GPC5: variants seen among roughly 807,000 people sequenced by gnomAD.
GPC5 encodes the protein glypican 5.
In GPC5, 47 loss-of-function variants were observed where a neutral mutation model predicts 53.9. The observed-to-expected ratio is 0.87, with a 90% CI of 0.69 to 1.11. GPC5 has a LOEUF of 1.11. Among genes scored for constraint, GPC5 ranks in the 50% most tolerant of loss-of-function variants. The probability of loss-of-function intolerance (pLI) is 0.00; values close to 1 mark genes in which losing one functional copy is unlikely to be tolerated. For synonymous variants in GPC5, 286 were observed against 263.3 expected, an observed-to-expected ratio of 1.09 and a Z score of -0.84; for missense variants, 748 against 713.1, an observed-to-expected ratio of 1.05 and a Z score of -0.56.
chr13:91,819,557 T>G (rs1399824189), intron 5 of GPC5, among the ~76,000 whole-genome samples: 2 of 152,214 alleles, frequency 1.3e-5, no homozygotes, highest in Admixed American at 1.3e-4. Context: ...ATATTTTGTT[T>G]GTAAAATCCA....
At chr13:92,653,474 A>G (rs1886025309) in intron 7 of GPC5, among the ~76,000 whole-genome samples, 1 of 152,162 alleles carries the variant, frequency 6.6e-6, no homozygotes. Context: ...TTTTTTTCAA[A>G]TATCTCATGT....
intron 2 of GPC5, among the ~76,000 whole-genome samples, chr13:91,617,427 A>G (rs1282282696): frequency 6.6e-6 from 1 of 152,174 alleles, no homozygotes; most frequent in Non-Finnish European, 1.5e-5. Flanking sequence ...CTGAACAGGC[A>G]TAGCATGATA....
At chr13:92,378,082 A>C (rs2043709464) in intron 7 of GPC5, among the ~76,000 whole-genome samples, 1 of 152,044 alleles carries the variant, frequency 6.6e-6, no homozygotes. Flanking sequence ...TTAAAGTTTG[A>C]AAATATAGCC....
intron 7 of GPC5, among the ~76,000 whole-genome samples, chr13:92,806,998 T>C (rs567996886): frequency 6.6e-6 from 1 of 152,072 alleles, no homozygotes; most frequent in African/African-American, 2.4e-5. Context: ...TACATTAAAG[T>C]GCAGTGCAAT....
At chr13:91,448,624 T>C (rs1016078410) in intron 1 of GPC5, 137 bp from the exon 2 acceptor site, 132 of 757,980 alleles carry the variant, frequency 1.7e-4, no homozygotes, top group Non-Finnish European at 2.4e-4. Flanking sequence ...AGATAAACTT[T>C]CTTATAGCAA....
At chr13:92,218,941 T>C (rs1053300904) in intron 7 of GPC5, among the ~76,000 whole-genome samples, 5 of 152,204 alleles carry the variant, frequency 3.3e-5, no homozygotes, top group African/African-American at 1.2e-4. Context: ...ACTCTGACTT[T>C]GAAAACCACA....
chr13:92,788,770 G>A (rs1462928819), intron 7 of GPC5, among the ~76,000 whole-genome samples: 2 of 152,172 alleles, frequency 1.3e-5, no homozygotes, highest in Non-Finnish European at 2.9e-5. Context: ...GCAGGAGTGG[G>A]CAGATAAAGT....
chr13:91,732,739 T>C (rs1206787989), intron 4 of GPC5, among the ~76,000 whole-genome samples: 1 of 152,212 alleles, frequency 6.6e-6, no homozygotes. Context: ...TTTCTGCATA[T>C]TGTTAGCCAG....
intron 2 of GPC5, among the ~76,000 whole-genome samples, chr13:91,498,478 A>C (rs1213118145): frequency 1.3e-5 from 2 of 152,048 alleles, no homozygotes; most frequent in Non-Finnish European, 2.9e-5. Flanking sequence ...GTAAGAAGGG[A>C]AGGGGAAGGA....
At chr13:91,457,173 T>C (rs1320592709) in intron 2 of GPC5, among the ~76,000 whole-genome samples, 1 of 152,102 alleles carries the variant, frequency 6.6e-6, no homozygotes, top group African/African-American at 2.4e-5. Context: ...ATAGCTATTT[T>C]TGTATCAAAA....
chr13:91,748,709 A>T (rs1386820393), intron 4 of GPC5, among the ~76,000 whole-genome samples: 1 of 152,170 alleles, frequency 6.6e-6, no homozygotes, highest in Non-Finnish European at 1.5e-5. Flanking sequence ...CAGGGGCTAG[A>T]TGAGAAATGA....
intron 2 of GPC5, among the ~76,000 whole-genome samples, chr13:91,559,839 A>G (rs1236697348): frequency 6.6e-6 from 1 of 152,096 alleles, no homozygotes; most frequent in Non-Finnish European, 1.5e-5. Context: ...AAGGGGGGAA[A>G]TTTCAGCATA....
chr13:92,679,428 A>G (rs1887048000), intron 7 of GPC5, among the ~76,000 whole-genome samples: 1 of 152,206 alleles, frequency 6.6e-6, no homozygotes, highest in African/African-American at 2.4e-5. Context: ...AGATAGGACT[A>G]TATCACTTAA....
At chr13:92,330,929 C>T (rs2043283894) in intron 7 of GPC5, among the ~76,000 whole-genome samples, 2 of 152,068 alleles carry the variant, frequency 1.3e-5, no homozygotes, top group South Asian at 4.1e-4. Context: ...TTTTATTTTT[C>T]AAACTTGACT....
chr13:92,518,091 A>G (rs149226165), intron 7 of GPC5, among the ~76,000 whole-genome samples: 2 of 152,342 alleles, frequency 1.3e-5, no homozygotes, highest in East Asian at 1.9e-4. Flanking sequence ...AAGAGTAAAA[A>G]GAAACGAACA....
intron 2 of GPC5, among the ~76,000 whole-genome samples, chr13:91,529,755 T>C (rs563826980): frequency 2.0e-5 from 3 of 152,208 alleles, no homozygotes; most frequent in African/African-American, 7.2e-5. Context: ...GTAGTCAACA[T>C]TCCTCATAAG....
chr13:91,461,501 T>C (rs1470172379), intron 2 of GPC5, among the ~76,000 whole-genome samples: 1 of 152,110 alleles, frequency 6.6e-6, no homozygotes, highest in Admixed American at 6.6e-5. Flanking sequence ...TAACTTCTTC[T>C]AGCTGGACCT....
chr13:91,749,420 C>G (rs553108155), intron 4 of GPC5, among the ~76,000 whole-genome samples: 107 of 152,322 alleles, frequency 7.0e-4, no homozygotes, highest in African/African-American at 2.5e-3. Context: ...TTTATCCAGT[C>G]TCCTATTGAT....
At chr13:91,498,239 A>AT (rs60732957) in intron 2 of GPC5, among the ~76,000 whole-genome samples, 43,706 of 109,436 alleles carry the variant, frequency 0.4, 9,349 homozygotes, top group East Asian at 0.54. Flanking sequence ...CTACCCAAAG[A>AT]TTTTTTTTTT....
Sources: allele counts gnomAD v4.1 joint callset (sites outside exome capture counted in the v4.1 genomes callset), GRCh38; gene constraint gnomAD v4.1.1; transcripts MANE v1.5; gene names NCBI Gene and HGNC (gene_info 2026-07-23, HGNC 2026-07-21).